Variants in ZBTB48 observed in about 807,000 individuals in gnomAD.
ZBTB48 encodes the protein zinc finger and BTB domain containing 48.
ZBTB48 carries 35 observed loss-of-function variants against 64.5 expected under a neutral mutation model. The ratio of observed to expected loss-of-function variants is 0.54; its 90% CI spans 0.41 to 0.72. The LOEUF (loss-of-function observed/expected upper bound fraction) is 0.72, where lower values mean the gene tolerates loss of function less well. ZBTB48 is among the 30% of genes least tolerant of loss of function. The pLI is 0.00. For missense variants in ZBTB48, 828 were observed against 895.3 expected (o/e 0.92, Z 0.96); for synonymous variants, 442 against 356.7 (o/e 1.24, Z -2.70).
intron 3 of ZBTB48, 22 bp from the exon 4 acceptor site, chr1:6,585,897 C>G (rs769527063): frequency 3.7e-6 from 6 of 1,611,944 alleles, no homozygotes; most frequent in Non-Finnish European, 5.1e-6. Flanking sequence ...AGCCCCCCCA[C>G]CCCTGTGGCT....
intron 3 of ZBTB48, chr1:6,585,313 AC>A (rs1392745042): frequency 2.0e-5 from 3 of 153,484 alleles, no homozygotes; most frequent in East Asian, 3.8e-4. Flanking sequence ...GCCAGACGAC[AC>A]CCTGGGAGAG....
intron 3 of ZBTB48, 72 bp from the exon 4 acceptor site, chr1:6,585,847 A>G: frequency 7.5e-6 from 11 of 1,473,440 alleles, no homozygotes; most frequent in Non-Finnish European, 1.0e-5. Context: ...GAAGGGACCC[A>G]GAGGGGGCCC....
chr1:6,582,358 G>A (rs1275695635), intron 3 of ZBTB48, 59 bp downstream of exon 3: 3 of 1,574,416 alleles, frequency 1.9e-6, no homozygotes, highest in South Asian at 1.2e-5. Flanking sequence ...TTGGGGGAGG[G>A]GTCCTGCACT....
Position 6,580,955 on chromosome 1 carries a change from C to G in ZBTB48, c.346C>G (p.Pro116Ala). The change falls in exon 2 of 11, where the codon CCC becomes GCC. Residue 116 changes from proline to alanine, a missense_variant. Transcript: ENST00000377674. This position sits in a 1 kb window ranked among gnomAD's most constrained non-coding sequence, Gnocchi z 5.2. Reference sequence around the variant, plus strand: ...CGTAGAGCTGTGCCAGAGCTTCAAGCCCAAAACTTCAGTGGGACAGGCAGC... The same window carrying G: ...CGTAGAGCTGTGCCAGAGCTTCAAGGCCAAAACTTCAGTGGGACAGGCAGC... ...EAVELCQSFK[P>A]KTSVGQAAGG... The G allele has an allele frequency of 6.2e-7, 1 of 1,613,934 alleles. No individual in the cohort carries two copies. The highest frequency in any genetic ancestry group is 8.5e-7 in the Non-Finnish European group (1 of 1,180,038).
At chr1:6,587,863 C>T (rs1640732683) in intron 7 of ZBTB48, among the ~76,000 whole-genome samples, 197 bp from the exon 8 acceptor site, 6 of 152,148 alleles carry the variant, frequency 3.9e-5, no homozygotes, top group Admixed American at 3.9e-4. Flanking sequence ...CTCTGTGCCC[C>T]CGGGGCAGAT....
chr1:6,581,350 A>G (rs1165892813), intron 2 of ZBTB48, 51 bp downstream of exon 2: 3 of 1,507,872 alleles, frequency 2.0e-6, no homozygotes, highest in Non-Finnish European at 2.6e-6. Context: ...GGGAATAGAC[A>G]CTTTTTTGGT....
chr1:6,580,551 T>G lies in ZBTB48; in HGVS notation c.-59T>G, dbSNP rs1640404656. ...CTCTCTTGACTCCAGGAGCTTTCTC[T>G]TGCATACCCTCGCTTAGGCTGGCCG... On this transcript the variant is annotated 5_prime_UTR_variant, in exon 2 of 11. Coordinates refer to ENST00000377674, the MANE Select transcript of ZBTB48 (RefSeq NM_005341.4). The surrounding 1 kb of genome is among the most constrained non-coding windows in gnomAD (Gnocchi z 5.2). 6.5e-7 allele frequency: 1 copy of G among 1,543,516 alleles called. No homozygotes were observed. The highest frequency in any genetic ancestry group is 8.8e-7 in the Non-Finnish European group (1 of 1,141,340).
In ZBTB48 at chr1:6,581,193, A is replaced by G. The variant is rs768811530; in HGVS notation, c.584A>G (p.Gln195Arg). Reference protein sequence around the residue: ...GPSSLCGKLKQALKPCPLEDK... With the variant: ...GPSSLCGKLKRALKPCPLEDK... ...TCCTCCCTCTGTGGGAAACTGAAGC[A>G]GGCCTTGAAGCCTTGTCCCCTTGAG... is the stretch of plus-strand genomic sequence containing the variant. Residue 195 changes from glutamine (Q) to arginine (R), a missense_variant, in exon 2 of 11, where the codon CAG becomes CGG. By Grantham distance (43) the Gln-to-Arg change is conservative (BLOSUM62 1). Transcript: ENST00000377674. 45 of 1,613,370 alleles carry G rather than the reference A, an allele frequency of 2.8e-5. No homozygotes were observed. The highest frequency in any genetic ancestry group is 3.5e-5 in the Non-Finnish European group (41 of 1,180,032).
In ZBTB48 at chr1:6,581,195, G is replaced by T; in HGVS notation, c.586G>T (p.Ala196Ser). ...PSSLCGKLKQ[A>S]LKPCPLEDKK... ...CTCCCTCTGTGGGAAACTGAAGCAGGCCTTGAAGCCTTGTCCCCTTGAGGA... is the reference window on the plus strand; with the variant it reads ...CTCCCTCTGTGGGAAACTGAAGCAGTCCTTGAAGCCTTGTCCCCTTGAGGA... The change falls in exon 2 of 11, where the codon GCC (alanine) becomes TCC (serine). Residue 196 changes from alanine to serine, a missense_variant. Physicochemically the swap from Ala to Ser is moderately conservative, Grantham distance 99. Coordinates refer to ENST00000377674, the MANE Select transcript of ZBTB48 (RefSeq NM_005341.4). 6.2e-7 allele frequency: 1 copy of T among 1,613,366 alleles called. No homozygotes were observed. The highest frequency in any genetic ancestry group is 8.5e-7 in the Non-Finnish European group (1 of 1,180,000).
rs757550078 is a variant in ZBTB48, at chr1:6,588,373, A to C, written c.1612A>C (p.Arg538=). 2.6e-5 allele frequency: 41 copies of C among 1,599,284 alleles called. 1 individual carries two copies. In the South Asian group the frequency reaches 4.4e-4, roughly 17 times the overall value. ...CTTCACTGAGAAGGGGCCCCTCCTG[A>C]GGCACGTGGCCAGCCGCCATCAGGA... ...QRFTEKGPLL[R]HVASRHQEGR... Residue 538 remains arginine, a synonymous_variant, in exon 9 of 11, where the codon AGG becomes CGG. Transcript: ENST00000377674.
rs1048166473 is a variant in ZBTB48 at position 6,587,408 on chromosome 1, T to C, written c.1225-70T>C. On this transcript the variant is annotated intron_variant, in intron 6 of 10. Transcript: ENST00000377674. Reference sequence around the variant, plus strand: ...TTGTTCGGGGGGGTGCTTGTGGGTCTCCCAGGCAGCCCTTCCCTGCTCTCA... The same window carrying C: ...TTGTTCGGGGGGGTGCTTGTGGGTCCCCCAGGCAGCCCTTCCCTGCTCTCA... The C allele has an allele frequency of 3.1e-6, 5 of 1,608,056 alleles. No individual in the cohort carries two copies. In the Admixed American group the frequency reaches 8.4e-5, roughly 27 times the overall value.
Position 6,580,178 on chromosome 1 carries a change from G to T in ZBTB48, c.-70+42G>T. On this transcript the variant is annotated intron_variant, in intron 1 of 10. Coordinates refer to ENST00000377674, the MANE Select transcript of ZBTB48 (RefSeq NM_005341.4). The surrounding 1 kb of genome is among the most constrained non-coding windows in gnomAD (Gnocchi z 5.2). Reference sequence around the variant, plus strand: ...GTGAGGGAGGGAGGGGCTGCGGGCCGCCGTGGCTGCCTTCCGCTCGGCCGC... The same window carrying T: ...GTGAGGGAGGGAGGGGCTGCGGGCCTCCGTGGCTGCCTTCCGCTCGGCCGC... 1 of 194,106 alleles carries T rather than the reference G, an allele frequency of 5.2e-6. No homozygotes were observed. The highest frequency in any genetic ancestry group is 8.7e-5 in the South Asian group (1 of 11,502). 12.0% of individuals were successfully genotyped at this position (194,106 alleles called of 1,614,324 possible). A position where few individuals can be genotyped will look rare whatever the true frequency, so the allele number is the denominator to read the frequency against.
At chr1:6,586,091 C>T (rs1640655926) in intron 4 of ZBTB48, 61 bp downstream of exon 4, 43 of 1,551,234 alleles carry the variant, frequency 2.8e-5, no homozygotes, top group Non-Finnish European at 3.8e-5. Flanking sequence ...TGTCTTCGTG[C>T]CATCCGGGAA....
rs1640707538 is a variant in ZBTB48, at chr1:6,587,311, G to A, written c.1224+20G>A. ...CATGCAGTAAGTGACAGGGAGGGCT[G>A]GGCATGCTTTGATGCTGGCATGAGC... On this transcript the variant is annotated intron_variant, in intron 6 of 10. Transcript: ENST00000377674. 6 of 1,613,854 alleles carry A rather than the reference G, an allele frequency of 3.7e-6. No homozygotes were observed. Among genetic ancestry groups the A allele is most frequent in the Non-Finnish European group, 5.1e-6 (6 of 1,179,952 alleles).
chr1:6,584,213 C>T lies in ZBTB48; in HGVS notation c.933-1706C>T, dbSNP rs1001885224. ...ACAGGCGAGAGCCACCGTGCCCAGC[C>T]CCCAGGGACTATTTTAACTTAAAAT... On this transcript the variant is annotated intron_variant, in intron 3 of 10. Transcript: ENST00000377674. The surrounding 1 kb of genome is among the most constrained non-coding windows in gnomAD (Gnocchi z 4.5). Among the ~76,000 whole-genome samples, 3 of 152,190 alleles carry T rather than the reference C, an allele frequency of 2.0e-5. No homozygotes were observed. Among genetic ancestry groups the T allele is most frequent in the Admixed American group, 1.3e-4 (2 of 15,280 alleles).
chr1:6,589,057 T>TCGG lies in ZBTB48; in HGVS notation c.1916_1918dup (p.Ala639dup). On this transcript the variant is annotated inframe_insertion, in exon 11 of 11. Transcript: ENST00000377674. ...GCCGCCTGCAGAGCTGGAGGTGGGCTCGGCGGAGGTCATTGTGGAGTCCCT... is the reference window on the plus strand; with the variant it reads ...GCCGCCTGCAGAGCTGGAGGTGGGCTCGGCGGCGGAGGTCATTGTGGAGTCCCT... The TCGG allele has an allele frequency of 1.9e-6, 3 of 1,601,936 alleles. No individual in the cohort carries two copies.
intron 3 of ZBTB48, 79 bp downstream of exon 3, chr1:6,582,378 TG>T (rs1640504561): frequency 6.5e-7 from 1 of 1,547,042 alleles, no homozygotes; most frequent in African/African-American, 1.4e-5. Flanking sequence ...TTCCCACTTC[TG>T]GGTGAGGTAG....
chr1:6,581,270 G>A lies in ZBTB48; in HGVS notation c.661G>A (p.Gly221Ser), dbSNP rs1412505385. 2 of 1,607,670 alleles carry A rather than the reference G, an allele frequency of 1.2e-6. No individual in the cohort carries two copies. Among genetic ancestry groups the A allele is most frequent in the Admixed American group, 1.7e-5 (1 of 59,124 alleles). ...GCCCCCAAGGCCCTTAGAGGCTGAA[G>A]GTGCCCAGCTGCAGGGCGGCAGTAA... ...KVPPRPLEAEGAQLQGGSNEW... is the reference protein window; with the variant it reads ...KVPPRPLEAESAQLQGGSNEW... The change falls in exon 2 of 11, where the codon GGT becomes AGT. Residue 221 changes from glycine (G) to serine (S), a missense_variant. By Grantham distance (56) the Gly-to-Ser change is moderately conservative. Coordinates refer to ENST00000377674, the MANE Select transcript of ZBTB48 (RefSeq NM_005341.4).
chr1:6,586,740 G>C lies in ZBTB48; in HGVS notation c.1090G>C (p.Glu364Gln), dbSNP rs779568547. ...CCAGGAGACATTCCGCCGAAGGATGGAGCTGCGGGTGCACATGGTGTCTCA... is the reference window on the plus strand; with the variant it reads ...CCAGGAGACATTCCGCCGAAGGATGCAGCTGCGGGTGCACATGGTGTCTCA... ...VCQETFRRRMELRVHMVSHTG... is the reference protein window; with the variant it reads ...VCQETFRRRMQLRVHMVSHTG... The change falls in exon 5 of 11, where the codon GAG (glutamate) becomes CAG (glutamine). Residue 364 changes from glutamate to glutamine, a missense_variant. Coordinates refer to ENST00000377674, the MANE Select transcript of ZBTB48 (RefSeq NM_005341.4). The C allele has an allele frequency of 6.3e-7, 1 of 1,590,922 alleles. No homozygotes were observed. The highest frequency in any genetic ancestry group is 8.6e-7 in the Non-Finnish European group (1 of 1,166,860).
Sources: allele counts gnomAD v4.1 joint callset (sites outside exome capture counted in the v4.1 genomes callset), GRCh38; gene constraint gnomAD v4.1.1; non-coding constraint Gnocchi (gnomAD v3.1); transcripts MANE v1.5; gene names NCBI Gene and HGNC (gene_info 2026-07-23, HGNC 2026-07-21).